DLEC1: variants seen among roughly 807,000 people sequenced by gnomAD.
The protein encoded by DLEC1 is deleted in lung and esophageal cancer protein 1.
DLEC1 carries 146 observed loss-of-function variants against 198.1 expected under a neutral mutation model. That is an observed-to-expected ratio of 0.74 (90% CI 0.64 to 0.85). The LOEUF (loss-of-function observed/expected upper bound fraction) is 0.85. DLEC1 is among the 40% of genes least tolerant of loss of function. DLEC1 has a pLI of 0.00. For missense variants in DLEC1, 2,233 were observed against 2,220.0 expected, an observed-to-expected ratio of 1.01 and a Z score of -0.12; for synonymous variants, 897 against 866.8, an observed-to-expected ratio of 1.03 and a Z score of -0.61.
chr3:38,108,229 A>G (rs1699670459), intron 20 of DLEC1, among the ~76,000 whole-genome samples, 176 bp from the exon 21 acceptor site: 1 of 152,120 alleles, frequency 6.6e-6, no homozygotes, highest in South Asian at 2.1e-4. Flanking sequence ...TGGGGAGGAG[A>G]GGAGAAGGGA....
At chr3:38,069,315 C>T (rs1458382243) in intron 6 of DLEC1, among the ~76,000 whole-genome samples, 1 of 152,148 alleles carries the variant, frequency 6.6e-6, no homozygotes, top group Non-Finnish European at 1.5e-5. Flanking sequence ...AACATTCGAG[C>T]TATTCCCTAT....
intron 2 of DLEC1, among the ~76,000 whole-genome samples, chr3:38,049,084 T>A (rs1324585550): frequency 6.6e-6 from 1 of 151,900 alleles, no homozygotes; most frequent in African/African-American, 2.4e-5. Flanking sequence ...TTTTTTTTTT[T>A]AATGAAAGTG....
intron 19 of DLEC1, among the ~76,000 whole-genome samples, chr3:38,106,437 C>T (rs1333409774): frequency 6.6e-6 from 1 of 152,088 alleles, no homozygotes; most frequent in South Asian, 2.1e-4. Context: ...ATTTCTTTGT[C>T]TGGGTAAGCC....
At chr3:38,051,657 TA>T in intron 2 of DLEC1, 1 of 223,054 alleles carries the variant, frequency 4.5e-6, no homozygotes. Flanking sequence ...AGCTAGAGAA[TA>T]AAAGCCGCCC....
At chr3:38,066,559 C>A (rs1350190263) in intron 6 of DLEC1, among the ~76,000 whole-genome samples, 1 of 152,204 alleles carries the variant, frequency 6.6e-6, no homozygotes, top group East Asian at 1.9e-4. Flanking sequence ...AGAGCAGAGG[C>A]TTTCCTCATT....
chr3:38,063,406 G>T (rs1234515903), intron 5 of DLEC1, among the ~76,000 whole-genome samples: 1 of 152,182 alleles, frequency 6.6e-6, no homozygotes, highest in African/African-American at 2.4e-5. Context: ...CGAGGCTGCA[G>T]TGAGCCAAGA....
At chr3:38,086,201 A>G in intron 8 of DLEC1, 40 bp from the exon 9 acceptor site, 2 of 1,580,958 alleles carry the variant, frequency 1.3e-6, no homozygotes, top group East Asian at 4.5e-5. Context: ...ATTAAGAGTG[A>G]CCTGTTGTTT....
chr3:38,083,910 G>A (rs1158779044), intron 6 of DLEC1, among the ~76,000 whole-genome samples: 5 of 151,850 alleles, frequency 3.3e-5, no homozygotes, highest in South Asian at 2.1e-4. Flanking sequence ...GATTACAGGC[G>A]TGAGCCACCA....
At chr3:38,111,152 C>CA (rs2125726421) in intron 23 of DLEC1, among the ~76,000 whole-genome samples, 1 of 152,296 alleles carries the variant, frequency 6.6e-6, no homozygotes, top group South Asian at 2.1e-4. Flanking sequence ...GTGGACACCT[C>CA]ACCACCTAAT....
At chr3:38,110,771 G>C (rs1403825801) in intron 23 of DLEC1, among the ~76,000 whole-genome samples, 3 of 149,604 alleles carry the variant, frequency 2.0e-5, no homozygotes, top group Non-Finnish European at 4.5e-5. Flanking sequence ...TGCTTACACA[G>C]ACACACACAC....
chr3:38,098,567 G>A (rs1699151208), intron 18 of DLEC1, among the ~76,000 whole-genome samples: 1 of 152,098 alleles, frequency 6.6e-6, no homozygotes, highest in African/African-American at 2.4e-5. Flanking sequence ...CTGGTGGACT[G>A]CACATGTGAG....
At chr3:38,080,739 G>A (rs1226971846) in intron 6 of DLEC1, among the ~76,000 whole-genome samples, 1 of 151,602 alleles carries the variant, frequency 6.6e-6, no homozygotes, top group Non-Finnish European at 1.5e-5. Context: ...GTTGCCCATA[G>A]TGAAGGAGGC....
At chr3:38,073,832 G>T (rs569612821) in intron 6 of DLEC1, among the ~76,000 whole-genome samples, 1 of 152,278 alleles carries the variant, frequency 6.6e-6, no homozygotes, top group South Asian at 2.1e-4. Context: ...TTAAACAGGG[G>T]ATGGACTTAC....
At chr3:38,104,251 G>C (rs1305517860) in intron 19 of DLEC1, among the ~76,000 whole-genome samples, 1 of 152,150 alleles carries the variant, frequency 6.6e-6, no homozygotes, top group Admixed American at 6.5e-5. Context: ...AAGGTCAGGA[G>C]TACGAGACCA....
chr3:38,100,218 C>A (rs1047172134), intron 18 of DLEC1, 68 bp from the exon 19 acceptor site: 2 of 1,508,002 alleles, frequency 1.3e-6, no homozygotes, highest in Admixed American at 2.2e-5. Flanking sequence ...TAGGCATGGC[C>A]AGCCCCCAGT....
intron 2 of DLEC1, among the ~76,000 whole-genome samples, chr3:38,049,407 T>C (rs1701013013): frequency 1.3e-5 from 2 of 152,244 alleles, no homozygotes; most frequent in Admixed American, 6.5e-5. Flanking sequence ...AGGCAACCTT[T>C]CTGTGTTTGC....
chr3:38,114,967 G>C lies in DLEC1; in HGVS notation c.3786-16G>C, dbSNP rs1364736552. 6.2e-7 allele frequency: 1 copy of C among 1,612,350 alleles called. No individual in the cohort carries two copies. The highest frequency in any genetic ancestry group is 8.5e-7 in the Non-Finnish European group (1 of 1,179,008). On this transcript the variant is annotated splice_polypyrimidine_tract_variant and intron_variant, in intron 26 of 36. Coordinates refer to ENST00000308059, the MANE Select transcript of DLEC1 (RefSeq NM_007335.4). ...GCTGGCTGTGGCTGTACTGAGTCCA[G>C]TCTGTCCCCCTCCAGGTTCGGCACC... is the stretch of plus-strand genomic sequence containing the variant.
rs766415749 is a variant in DLEC1, at chr3:38,097,852, A to T, written c.2674A>T (p.Thr892Ser). 4.4e-5 allele frequency: 71 copies of T among 1,614,092 alleles called. No individual in the cohort carries two copies. Among genetic ancestry groups the T allele is most frequent in the Non-Finnish European group, 5.9e-5 (70 of 1,180,032 alleles). Reference protein sequence around the residue: ...QIRNVSQLPATWRMKESPVSL... With the variant: ...QIRNVSQLPASWRMKESPVSL... ...CCGGAACGTCAGCCAGCTCCCAGCC[A>T]CATGGCGCATGAAGGAGAGCCCAGT... Residue 892 changes from threonine to serine, a missense_variant, in exon 18 of 37, where the codon ACA (threonine) becomes TCA (serine). Transcript: ENST00000308059.
At chr3:38,080,538 T>A (rs1317230958) in intron 6 of DLEC1, among the ~76,000 whole-genome samples, 2 of 152,130 alleles carry the variant, frequency 1.3e-5, no homozygotes, top group Non-Finnish European at 2.9e-5. Context: ...ATTATTTAGA[T>A]CTTGTAGGAT....
Sources: allele counts gnomAD v4.1 joint callset (sites outside exome capture counted in the v4.1 genomes callset), GRCh38; gene constraint gnomAD v4.1.1; transcripts MANE v1.5; gene names NCBI Gene and HGNC (gene_info 2026-07-23, HGNC 2026-07-21).